The following FBXL2 variants were observed in gnomAD, a reference collection of about 807,000 sequenced individuals.
The protein encoded by FBXL2 is F-box/LRR-repeat protein 2.
FBXL2 carries 38 observed loss-of-function variants against 69.2 expected under a neutral mutation model. That is an observed-to-expected ratio of 0.55 (90% confidence interval 0.42 to 0.72). FBXL2 has a LOEUF of 0.72. Among genes scored for constraint, FBXL2 ranks in the 30% least tolerant of loss-of-function variants. FBXL2 has a pLI of 0.00. For synonymous variants in FBXL2, 192 were observed against 201.3 expected (o/e 0.95, Z 0.39); for missense variants, 354 against 520.3 (o/e 0.68, Z 3.11).
chr3:33,412,323 A>C, the FBXL2 span, among the ~76,000 whole-genome samples: 1 of 152,232 alleles, frequency 6.6e-6, no homozygotes, highest in African/African-American at 2.4e-5. Context: ...GGTTCTTTAT[A>C]ATACGAGGAT....
At chr3:33,341,907 T>G (rs1287910042) in intron 2 of FBXL2, among the ~76,000 whole-genome samples, 11 of 151,370 alleles carry the variant, frequency 7.3e-5, no homozygotes, top group Non-Finnish European at 1.3e-4. Context: ...TTCTATTTCT[T>G]GACCAGGGTA....
At chr3:33,400,627 A>T (rs987765257) in intron 12 of FBXL2, among the ~76,000 whole-genome samples, 6 of 152,202 alleles carry the variant, frequency 3.9e-5, no homozygotes, top group Non-Finnish European at 8.8e-5. Flanking sequence ...ATTTGAACAC[A>T]TGAAGGGAGA....
chr3:33,373,802 C>T (rs749114578), intron 8 of FBXL2, 45 bp from the exon 9 acceptor site: 1 of 1,613,684 alleles, frequency 6.2e-7, no homozygotes, highest in Non-Finnish European at 8.5e-7. Flanking sequence ...CCCACTGTTC[C>T]CTCACCTGGA....
rs1697955547 is a variant in FBXL2, at chr3:33,386,358, A to G, written c.*750A>G. 1 of 152,354 alleles carries G rather than the reference A, an allele frequency of 6.6e-6. No homozygotes were observed. Among genetic ancestry groups the G allele is most frequent in the African/African-American group, 2.4e-5 (1 of 41,464 alleles). 9.4% of individuals were successfully genotyped at this position (152,354 alleles called of 1,614,324 possible). On this transcript the variant is annotated 3_prime_UTR_variant, in exon 15 of 15. Coordinates refer to ENST00000484457, the MANE Select transcript of FBXL2 (RefSeq NM_012157.5). ...CACATAACACATTTTTACTAAAGGA[A>G]AAAAGCTAATTATGTCCATGCCTCT...
intron 12 of FBXL2, chr3:33,397,171 G>T (rs186346181): frequency 1.3e-6 from 2 of 1,503,158 alleles, no homozygotes; most frequent in African/African-American, 2.8e-5. Flanking sequence ...TCAAATAAAT[G>T]GAAAAAGAAC....
downstream of FBXL2, among the ~76,000 whole-genome samples, chr3:33,403,834 G>A (rs1030393024): frequency 1.3e-5 from 2 of 152,170 alleles, no homozygotes; most frequent in African/African-American, 2.4e-5. Context: ...CACTTTACAG[G>A]TATTCTTTCT....
chr3:33,400,943 T>C lies in FBXL2; in HGVS notation n.1215-2291T>C, dbSNP rs766627387. 73 of 1,591,502 alleles carry C rather than the reference T, an allele frequency of 4.6e-5. 1 individual carries two copies. In the Middle Eastern group the frequency reaches 1.5e-3, roughly 33 times the overall value. On this transcript the variant is annotated intron_variant and non_coding_transcript_variant, in intron 12 of 12. Coordinates refer to the FBXL2 transcript ENST00000463736. ...AGAACCCTGAAAGCATCAGATAGTT[T>C]TAGGAGAAAGATACTTACTTCACCA...
intron 2 of FBXL2, chr3:33,303,086 T>C: frequency 2.2e-6 from 1 of 456,692 alleles, no homozygotes; most frequent in Non-Finnish European, 4.4e-6. Context: ...CTCCATGGGC[T>C]TTTTAAAGGA....
At chr3:33,288,737 G>A (rs1018002431) in intron 1 of FBXL2, among the ~76,000 whole-genome samples, 1 of 152,172 alleles carries the variant, frequency 6.6e-6, no homozygotes, top group African/African-American at 2.4e-5. Flanking sequence ...AGTTAAGGGA[G>A]TCAAATCATG....
chr3:33,383,063 C>G (rs1187104968), intron 13 of FBXL2: 1 of 152,158 alleles, frequency 6.6e-6, no homozygotes, highest in Non-Finnish European at 1.5e-5. Flanking sequence ...TTCCCCAGGA[C>G]AAATCCTGCT....
intron 1 of FBXL2, among the ~76,000 whole-genome samples, chr3:33,279,799 G>A (rs1160197328): frequency 1.2e-4 from 19 of 152,014 alleles, no homozygotes; most frequent in Admixed American, 1.2e-3. Context: ...TCTAAGAGTC[G>A]TAAATGATCA....
downstream of FBXL2, chr3:33,390,283 T>C (rs1456085520): frequency 2.5e-6 from 4 of 1,577,466 alleles, no homozygotes; most frequent in Non-Finnish European, 3.5e-6. Flanking sequence ...TCACACACTT[T>C]TAAGCGTGAC....
intron 12 of FBXL2, chr3:33,396,957 A>G: frequency 8.3e-7 from 1 of 1,212,082 alleles, no homozygotes. Flanking sequence ...ACACACGCCA[A>G]CCTAGCGTGG....
chr3:33,376,122 C>T (rs1559631360), intron 10 of FBXL2, among the ~76,000 whole-genome samples: 1 of 142,916 alleles, frequency 7.0e-6, no homozygotes, highest in African/African-American at 2.7e-5. Context: ...TGCCACTGCA[C>T]TCTAGTCTAG....
chr3:33,358,207 C>G (rs1338496979), intron 2 of FBXL2, among the ~76,000 whole-genome samples: 1 of 152,170 alleles, frequency 6.6e-6, no homozygotes, highest in Non-Finnish European at 1.5e-5. Context: ...CCCTGTCCAC[C>G]CTTCTTCTCA....
At chr3:33,321,999 G>C (rs1200622965) in intron 2 of FBXL2, among the ~76,000 whole-genome samples, 1 of 149,472 alleles carries the variant, frequency 6.7e-6, no homozygotes, top group Non-Finnish European at 1.5e-5. Flanking sequence ...CATATTCTGT[G>C]ACCTGAATTG....
At chr3:33,409,668 C>T in the FBXL2 span, 3 of 1,595,368 alleles carry the variant, frequency 1.9e-6, no homozygotes, top group Admixed American at 1.7e-5. Flanking sequence ...ATTTTGTTCC[C>T]TCTTGAGTGA....
chr3:33,312,031 TATAG>T (rs2037250621), intron 2 of FBXL2, among the ~76,000 whole-genome samples: 1 of 152,202 alleles, frequency 6.6e-6, no homozygotes, highest in South Asian at 2.1e-4. Context: ...AGCTATGCAA[TATAG>T]ATAGACAACT....
chr3:33,421,766 C>T, the FBXL2 span, among the ~76,000 whole-genome samples: 9 of 152,142 alleles, frequency 5.9e-5, no homozygotes, highest in Admixed American at 2.0e-4. Flanking sequence ...ATGACCATTT[C>T]GGCTGGGAGT....
Sources: gnomAD v4.1 joint callset for allele counts (sites outside exome capture counted in the v4.1 genomes callset) on GRCh38, gnomAD v4.1.1 for gene constraint, MANE v1.5 for transcripts, NCBI Gene and HGNC (gene_info 2026-07-23, HGNC 2026-07-21) for gene names.